Variants in GREB1L observed in about 807,000 individuals in gnomAD.
GREB1L encodes GREB1 like retinoic acid receptor coactivator, also known as GREB1-like protein.
GREB1L carries 17 observed loss-of-function variants against 200.8 expected under a neutral mutation model. That is an observed-to-expected ratio of 0.08 (90% CI 0.06 to 0.13). The LOEUF is 0.13. Among genes scored for constraint, GREB1L ranks in the 10% least tolerant of loss-of-function variants. GREB1L has a pLI of 1.00. For missense variants in GREB1L, 1,657 were observed against 2,367.7 expected, an observed-to-expected ratio of 0.70 and a Z score of 6.23; for synonymous variants, 789 against 893.0, an observed-to-expected ratio of 0.88 and a Z score of 2.08.
intron 27 of GREB1L, among the ~76,000 whole-genome samples, chr18:21,510,213 CAAAAAAA>C (rs57710844): frequency 1.2e-5 from 1 of 84,150 alleles, no homozygotes; most frequent in African/African-American, 4.4e-5. Context: ...AAACTGTCTC[CAAAAAAA>C]AAAAAAAAAA....
chr18:21,489,905 C>G (rs1200707712), intron 18 of GREB1L, 107 bp from the exon 19 acceptor site: 9 of 763,664 alleles, frequency 1.2e-5, no homozygotes, highest in Non-Finnish European at 8.5e-6. Flanking sequence ...CCACACTGAT[C>G]AGTAGCCCCT....
intron 21 of GREB1L, among the ~76,000 whole-genome samples, chr18:21,497,807 C>T (rs2036605185): frequency 9.8e-6 from 1 of 101,700 alleles, no homozygotes; most frequent in Non-Finnish European, 2.2e-5. Flanking sequence ...CTTCTCCCCT[C>T]ACCACCCCCC....
Position 21,481,483 on chromosome 18 carries a change from A to G in GREB1L, c.2556+4127A>G, listed in dbSNP as rs1326508863. The stretch of plus-strand genomic sequence containing the variant: ...TGTGTGTGTGTGTGTGTGTGTATAT[A>G]TATATATATATATAGCATTATTAGA... On this transcript the variant is annotated intron_variant, in intron 17 of 32. Coordinates refer to ENST00000424526, the MANE Select transcript of GREB1L (RefSeq NM_001142966.3). 9.8e-3 allele frequency among the ~76,000 whole-genome samples: 1,380 copies of G among 140,504 alleles called. 8 individuals are homozygous for G. Among genetic ancestry groups the G allele is most frequent in the Non-Finnish European group, 0.014 (858 of 61,670 alleles). 92.2% of individuals were successfully genotyped at this position (140,504 alleles called of 152,430 possible).
At chr18:21,397,594 G>A (rs765964319) in intron 5 of GREB1L, among the ~76,000 whole-genome samples, 3 of 151,892 alleles carry the variant, frequency 2.0e-5, no homozygotes, top group Non-Finnish European at 4.4e-5. Context: ...CCAGCTACTC[G>A]GGAGGCTGAG....
intron 7 of GREB1L, among the ~76,000 whole-genome samples, chr18:21,404,702 T>C (rs2029968608): frequency 6.6e-6 from 1 of 152,244 alleles, no homozygotes; most frequent in South Asian, 2.1e-4. Flanking sequence ...TGGAGGGCTT[T>C]GCCTGAAAAG....
At chr18:21,475,243 T>C (rs1481670339) in intron 16 of GREB1L, among the ~76,000 whole-genome samples, 1 of 152,152 alleles carries the variant, frequency 6.6e-6, no homozygotes, top group Non-Finnish European at 1.5e-5. Flanking sequence ...TCACTATTTC[T>C]CCTCTTCCTT....
chr18:21,461,627 T>G (rs2035050769), intron 15 of GREB1L, among the ~76,000 whole-genome samples: 1 of 152,170 alleles, frequency 6.6e-6, no homozygotes, highest in Non-Finnish European at 1.5e-5. Context: ...GCATGCTCCT[T>G]CCCAGCTTTT....
At chr18:21,470,916 C>CTA (rs1460903890) in intron 15 of GREB1L, among the ~76,000 whole-genome samples, 7 of 152,120 alleles carry the variant, frequency 4.6e-5, no homozygotes, top group African/African-American at 1.7e-4. Flanking sequence ...AAAAGCAAGT[C>CTA]TATAACACAA....
intron 15 of GREB1L, among the ~76,000 whole-genome samples, chr18:21,471,359 A>T (rs2035474983): frequency 6.6e-6 from 1 of 152,200 alleles, no homozygotes; most frequent in South Asian, 2.1e-4. Context: ...TTTACAGATA[A>T]GGAAACAGAC....
chr18:21,495,537 C>A, intron 19 of GREB1L, 133 bp from the exon 20 acceptor site: 1 of 643,816 alleles, frequency 1.6e-6, no homozygotes, highest in Non-Finnish European at 2.7e-6. Flanking sequence ...AATATACATA[C>A]ATAAACATAT....
rs1236564333 is a variant in GREB1L at position 21,353,181 on chromosome 18, C to CA, written c.-119-12833dup. 5.1e-3 allele frequency among the ~76,000 whole-genome samples: 540 copies of CA among 105,598 alleles called. 2 individuals carry two copies. The highest frequency in any genetic ancestry group is 0.03 in the Middle Eastern group (5 of 166). The allele number at this position is 105,598 out of a possible 152,430, so 69.3% of individuals were successfully genotyped here. Reference sequence around the variant, plus strand: ...TAGGTGACAAAGTGAGACTCTGTCTCAAAAAAAAAAAAAGAAGAAAGAAAT... The same window carrying CA: ...TAGGTGACAAAGTGAGACTCTGTCTCAAAAAAAAAAAAAAGAAGAAAGAAAT... On this transcript the variant is annotated intron_variant, in intron 1 of 32. Transcript: ENST00000424526.
intron 7 of GREB1L, among the ~76,000 whole-genome samples, chr18:21,434,337 G>A (rs554653776): frequency 1.5e-3 from 228 of 151,984 alleles, no homozygotes; most frequent in African/African-American, 5.3e-3. Context: ...TTAGCTGGGC[G>A]TGGTGGCGTG....
intron 17 of GREB1L, among the ~76,000 whole-genome samples, chr18:21,484,780 A>T (rs2036063737): frequency 6.6e-6 from 1 of 152,144 alleles, no homozygotes; most frequent in Non-Finnish European, 1.5e-5. Context: ...CCAAGATCGC[A>T]CCATTGCACT....
At chr18:21,242,581 G>T (rs1263173702) in intron 1 of GREB1L, among the ~76,000 whole-genome samples, 188 bp downstream of exon 1, 2 of 152,142 alleles carry the variant, frequency 1.3e-5, no homozygotes, top group Non-Finnish European at 2.9e-5. Flanking sequence ...CGGAGCGCGT[G>T]CGGGTGGCGA....
At chr18:21,412,414 A>C (rs2031159089) in intron 7 of GREB1L, among the ~76,000 whole-genome samples, 1 of 152,246 alleles carries the variant, frequency 6.6e-6, no homozygotes, top group Non-Finnish European at 1.5e-5. Context: ...CCCTGTCTCA[A>C]AACAACAACA....
chr18:21,244,354 T>C (rs900430306), intron 1 of GREB1L, among the ~76,000 whole-genome samples: 2 of 152,172 alleles, frequency 1.3e-5, no homozygotes, highest in Non-Finnish European at 2.9e-5. Context: ...TATACTCCCA[T>C]TGACATGACA....
intron 1 of GREB1L, among the ~76,000 whole-genome samples, chr18:21,311,410 A>G (rs1040035182): frequency 6.6e-6 from 1 of 152,208 alleles, no homozygotes; most frequent in Non-Finnish European, 1.5e-5. Context: ...AGTTATTCCA[A>G]TGGTTTTGGA....
chr18:21,288,735 C>CTTTTTTTTT (rs557869552), intron 1 of GREB1L, among the ~76,000 whole-genome samples: 1 of 143,706 alleles, frequency 7.0e-6, no homozygotes, highest in African/African-American at 2.5e-5. Flanking sequence ...GGCTACCATC[C>CTTTTTTTTT]TTTTTTTTTT....
intron 2 of GREB1L, among the ~76,000 whole-genome samples, chr18:21,372,542 T>C (rs1430397910): frequency 2.0e-5 from 3 of 152,220 alleles, no homozygotes; most frequent in African/African-American, 7.2e-5. Context: ...GATAGTGTAT[T>C]TTATGTGTGG....
Sources: gnomAD v4.1 joint callset for allele counts (sites outside exome capture counted in the v4.1 genomes callset) on GRCh38, gnomAD v4.1.1 for gene constraint, MANE v1.5 for transcripts, NCBI Gene and HGNC (gene_info 2026-07-23, HGNC 2026-07-21) for gene names.